NRXN1: variants seen among roughly 807,000 people sequenced by gnomAD.
NRXN1 encodes neurexin-1.
Under a neutral mutation model 150.9 loss-of-function variants are expected in NRXN1, and 39 were observed. The ratio of observed to expected loss-of-function variants is 0.26; its 90% confidence interval spans 0.20 to 0.34. The LOEUF is 0.34. NRXN1 is among the 10% of genes least tolerant of loss of function. The probability of loss-of-function intolerance (pLI) is 1.00; values close to 1 mark genes in which losing one functional copy is unlikely to be tolerated. For missense variants in NRXN1, 1,815 were observed against 1,949.9 expected, an observed-to-expected ratio of 0.93 and a Z score of 1.30; for synonymous variants, 924 against 757.0, an observed-to-expected ratio of 1.22 and a Z score of -3.62.
At chr2:50,784,278 G>A (rs899746793) in intron 5 of NRXN1, among the ~76,000 whole-genome samples, 7 of 151,996 alleles carry the variant, frequency 4.6e-5, no homozygotes, top group African/African-American at 1.7e-4. Flanking sequence ...AGGGTCAGAT[G>A]GAGAAAAAAT....
At chr2:50,452,801 T>A (rs1358226288) in intron 17 of NRXN1, among the ~76,000 whole-genome samples, 1 of 152,204 alleles carries the variant, frequency 6.6e-6, no homozygotes, top group Non-Finnish European at 1.5e-5. Context: ...GAAACTTTAA[T>A]TCTCAATCTA....
intron 2 of NRXN1, among the ~76,000 whole-genome samples, chr2:51,011,926 A>G (rs1667941920): frequency 6.6e-6 from 1 of 152,038 alleles, no homozygotes; most frequent in Admixed American, 6.6e-5. Context: ...AGCCTAAAAT[A>G]GCATAATATC....
At chr2:50,542,543 T>C (rs2093414625) in intron 9 of NRXN1, among the ~76,000 whole-genome samples, 1 of 152,216 alleles carries the variant, frequency 6.6e-6, no homozygotes, top group African/African-American at 2.4e-5. Context: ...CTATATGCTT[T>C]GCTAATTCGT....
At chr2:50,060,568 G>C (rs1213602707) in intron 19 of NRXN1, among the ~76,000 whole-genome samples, 1 of 152,088 alleles carries the variant, frequency 6.6e-6, no homozygotes, top group East Asian at 1.9e-4. Flanking sequence ...AGGGGCCAGG[G>C]ATATGGTTTG....
At position 51,027,563 on chromosome 2, in the gene NRXN1, C is replaced by T. The variant is rs1403722753; in HGVS notation, c.711G>A (p.Val237=). ...VCLNGGVCSV[V]DDQAVCDCSR... is the part of the protein sequence containing the mutation. ...AGCAGTCGCACACGGCCTGGTCGTCCACCACGGAGCACACACCTCCGTTGA... is the reference window on the plus strand; with the variant it reads ...AGCAGTCGCACACGGCCTGGTCGTCTACCACGGAGCACACACCTCCGTTGA... The change falls in exon 2 of 23, where the codon GTG becomes GTA. Residue 237 remains valine, a synonymous_variant. Coordinates refer to ENST00000401669, the MANE Select transcript of NRXN1 (RefSeq NM_001330078.2). The T allele has an allele frequency of 1.3e-6, 2 of 1,597,500 alleles. No homozygotes were observed. The highest frequency in any genetic ancestry group is 4.5e-5 in the East Asian group (2 of 44,422).
Position 50,162,932 on chromosome 2 carries a change from C to T in NRXN1, c.3547-71438G>A, listed in dbSNP as rs116266930. ...AAAATGTCAACTACTAATTACACAA[C>T]TTACTATAACTGCTTTTACTATTTG... On this transcript the variant is annotated intron_variant, in intron 18 of 22. Coordinates refer to ENST00000401669, the MANE Select transcript of NRXN1 (RefSeq NM_001330078.2). 9.1e-3 allele frequency among the ~76,000 whole-genome samples: 1,377 copies of T among 151,924 alleles called. 22 individuals are homozygous for T. The highest frequency in any genetic ancestry group is 0.032 in the African/African-American group (1,311 of 41,518).
At chr2:50,248,884 C>T (rs904302095) in intron 17 of NRXN1, among the ~76,000 whole-genome samples, 3 of 152,140 alleles carry the variant, frequency 2.0e-5, no homozygotes, top group African/African-American at 7.2e-5. Context: ...TGGTGACTCA[C>T]ACCTGTAATC....
intron 18 of NRXN1, among the ~76,000 whole-genome samples, chr2:50,178,973 C>A (rs191300924): frequency 1.3e-5 from 2 of 152,122 alleles, no homozygotes; most frequent in East Asian, 3.9e-4. Context: ...AAATACCTAA[C>A]AATGCTTGAG....
intron 2 of NRXN1, among the ~76,000 whole-genome samples, chr2:51,025,608 T>A (rs1670320773): frequency 2.0e-5 from 3 of 152,158 alleles, no homozygotes; most frequent in Non-Finnish European, 1.5e-5. Context: ...TAAAGTGGCA[T>A]TAGGATACTT....
At chr2:50,512,521 G>C (rs1317108194) in intron 12 of NRXN1, among the ~76,000 whole-genome samples, 1 of 152,168 alleles carries the variant, frequency 6.6e-6, no homozygotes, top group Non-Finnish European at 1.5e-5. Flanking sequence ...ATTTAAGAAA[G>C]AAAGAATAGC....
chr2:50,923,556 T>C (rs1280751953), intron 3 of NRXN1: 1 of 190,654 alleles, frequency 5.2e-6, no homozygotes, highest in Non-Finnish European at 1.1e-5. Flanking sequence ...ATAATACTAC[T>C]AACATGCTTT....
intron 2 of NRXN1, among the ~76,000 whole-genome samples, chr2:50,936,590 T>C (rs1414932607): frequency 2.0e-5 from 3 of 152,148 alleles, no homozygotes; most frequent in African/African-American, 7.2e-5. Flanking sequence ...CTATCTAAAG[T>C]AAACTATGCT....
At chr2:50,296,400 A>G (rs537317449) in intron 17 of NRXN1, among the ~76,000 whole-genome samples, 1 of 152,156 alleles carries the variant, frequency 6.6e-6, no homozygotes, top group Admixed American at 6.6e-5. Context: ...ATACGAGTGC[A>G]GATTTGTTAA....
At chr2:50,478,208 T>C (rs1270045409) in intron 15 of NRXN1, among the ~76,000 whole-genome samples, 1 of 152,148 alleles carries the variant, frequency 6.6e-6, no homozygotes, top group Admixed American at 6.5e-5. Context: ...AAACAAACAT[T>C]TGTTTGCTTT....
At chr2:50,618,300 T>C (rs1679372076) in intron 8 of NRXN1, among the ~76,000 whole-genome samples, 1 of 152,196 alleles carries the variant, frequency 6.6e-6, no homozygotes, top group African/African-American at 2.4e-5. Context: ...CCTGTCTAAA[T>C]TAGTCACTGT....
chr2:50,196,110 G>C (rs1647990350), intron 18 of NRXN1, among the ~76,000 whole-genome samples: 1 of 152,050 alleles, frequency 6.6e-6, no homozygotes, highest in Non-Finnish European at 1.5e-5. Flanking sequence ...TATTTTTCCT[G>C]ATGGTCTCCC....
chr2:50,733,964 T>C (rs1698416617), intron 5 of NRXN1, among the ~76,000 whole-genome samples: 1 of 152,336 alleles, frequency 6.6e-6, no homozygotes, highest in East Asian at 1.9e-4. Flanking sequence ...TTATGTTTCA[T>C]AGTTCATTTG....
Position 50,472,417 on chromosome 2 carries a change from A to C in NRXN1, c.3125T>G (p.Leu1042Arg). 1 of 1,612,274 alleles carries C rather than the reference A, an allele frequency of 6.2e-7. No individual in the cohort carries two copies. The highest frequency in any genetic ancestry group is 8.5e-7 in the Non-Finnish European group (1 of 1,178,838). ...AKETYKSLPK[L>R]VHAKEGFQGC... ...TTGAAAGCCTTCTTTGGCATGTACA[A>C]GTTTTGGTAAGGATTTGTATGTTTC... is the stretch of plus-strand genomic sequence containing the variant. Residue 1042 changes from leucine to arginine, a missense_variant, in exon 16 of 23, where the codon CTT becomes CGT. Leu to Arg is a moderately radical substitution (Grantham distance 102). Coordinates refer to ENST00000401669, the MANE Select transcript of NRXN1 (RefSeq NM_001330078.2).
intron 19 of NRXN1, among the ~76,000 whole-genome samples, chr2:50,073,343 A>G (rs1308775960): frequency 1.3e-5 from 2 of 152,204 alleles, no homozygotes; most frequent in African/African-American, 4.8e-5. Flanking sequence ...CCAGACACAT[A>G]GCCGGTCTTA....
Sources: allele counts gnomAD v4.1 joint callset (sites outside exome capture counted in the v4.1 genomes callset), GRCh38; gene constraint gnomAD v4.1.1; transcripts MANE v1.5; gene names NCBI Gene and HGNC (gene_info 2026-07-23, HGNC 2026-07-21).